CCDC38: variants seen among roughly 807,000 people sequenced by gnomAD.
The protein encoded by CCDC38 is coiled-coil domain-containing protein 38.
In CCDC38, 69 loss-of-function variants were observed where a neutral mutation model predicts 72.8. The observed-to-expected ratio is 0.95, with a 90% confidence interval of 0.78 to 1.16. The LOEUF is 1.16. Ranked by LOEUF, CCDC38 falls within the 50% of genes most tolerant of loss-of-function variation. The pLI, the probability that CCDC38 is intolerant of heterozygous loss-of-function variation, is 0.00. For synonymous variants in CCDC38, 201 were observed against 213.2 expected, an observed-to-expected ratio of 0.94 and a Z score of 0.50; for missense variants, 626 against 638.9, an observed-to-expected ratio of 0.98 and a Z score of 0.22.
chr12:95,885,928 C>T (rs1161740329), intron 10 of CCDC38: 2 of 152,194 alleles, frequency 1.3e-5, no homozygotes, highest in Non-Finnish European at 2.9e-5. Context: ...ACCAGTTTCA[C>T]TACCTTTGGA....
At chr12:95,906,892 A>C (rs1592782503) in intron 4 of CCDC38, among the ~76,000 whole-genome samples, 1 of 150,298 alleles carries the variant, frequency 6.7e-6, no homozygotes, top group East Asian at 2.0e-4. Flanking sequence ...GCAGGGTCAC[A>C]GGACAATAGT....
chr12:95,908,333 G>A (rs1213256318), intron 4 of CCDC38, among the ~76,000 whole-genome samples: 3 of 149,802 alleles, frequency 2.0e-5, no homozygotes, highest in African/African-American at 2.5e-5. Context: ...GTGGCGGCGC[G>A]CGCCTGCAAT....
intron 9 of CCDC38, among the ~76,000 whole-genome samples, chr12:95,889,783 A>G (rs1176498000): frequency 6.6e-6 from 1 of 152,218 alleles, no homozygotes; most frequent in East Asian, 1.9e-4. Context: ...AAGCAACTGG[A>G]GAGATCAGAC....
chr12:95,941,198 A>G lies in CCDC38; in HGVS notation c.-15+1233T>C, dbSNP rs187120440. On this transcript the variant is annotated intron_variant, in intron 1 of 15. Transcript: ENST00000344280. ...TAAATACCTATGAAAAAGAAATATA[A>G]TTTCTTTTAGACTCACCCAGAACTT... Among the ~76,000 whole-genome samples, 87 of 152,298 alleles carry G rather than the reference A, an allele frequency of 5.7e-4. 1 individual carries two copies. Among genetic ancestry groups the G allele is most frequent in the Non-Finnish European group, 7.3e-4 (50 of 68,028 alleles).
At chr12:95,922,451 A>G (rs892506456) in intron 2 of CCDC38, among the ~76,000 whole-genome samples, 2 of 152,170 alleles carry the variant, frequency 1.3e-5, no homozygotes, top group African/African-American at 4.8e-5. Flanking sequence ...GTAGTAACAA[A>G]AGGCTGAGGT....
chr12:95,941,751 A>G (rs2080453285), intron 1 of CCDC38, among the ~76,000 whole-genome samples: 1 of 152,166 alleles, frequency 6.6e-6, no homozygotes. Flanking sequence ...TTTTAAAGAC[A>G]TAGAAATATA....
In CCDC38 at chr12:95,918,282, C is replaced by G. The variant is rs79634942; in HGVS notation, c.138+594G>C. On this transcript the variant is annotated intron_variant, in intron 3 of 15. Transcript: ENST00000344280. ...ATACCACAAAATTTGAAAACAACACCCCCTCCTCTACTTTCATCCCTTCTT... is the reference window on the plus strand; with the variant it reads ...ATACCACAAAATTTGAAAACAACACGCCCTCCTCTACTTTCATCCCTTCTT... 7.1e-4 allele frequency among the ~76,000 whole-genome samples: 108 copies of G among 151,996 alleles called. 1 individual carries two copies. The East Asian group carries it at 0.02, about 28-fold the overall frequency.
chr12:95,893,114 C>G (rs1259100064), intron 8 of CCDC38, among the ~76,000 whole-genome samples: 1 of 152,156 alleles, frequency 6.6e-6, no homozygotes, highest in Non-Finnish European at 1.5e-5. Flanking sequence ...TTTTTGGTAA[C>G]ATTTTAATTA....
intron 10 of CCDC38, among the ~76,000 whole-genome samples, chr12:95,883,595 C>T (rs2079724980): frequency 1.3e-5 from 2 of 152,190 alleles, no homozygotes; most frequent in African/African-American, 4.8e-5. Context: ...CCCTCCCATG[C>T]CCTCACCTCT....
intron 5 of CCDC38, chr12:95,903,320 G>A (rs377444527): frequency 3.2e-5 from 20 of 634,060 alleles, no homozygotes; most frequent in South Asian, 2.2e-4. Flanking sequence ...AGAGAGGATC[G>A]TGTTGTCTGT....
At chr12:95,917,359 G>T (rs2080156908) in intron 3 of CCDC38, 65 bp from the exon 4 acceptor site, 1 of 1,261,860 alleles carries the variant, frequency 7.9e-7, no homozygotes, top group Non-Finnish European at 1.1e-6. Flanking sequence ...TAAAATTAGT[G>T]ATTATATATA....
chr12:95,896,250 C>G (rs1051097262), intron 7 of CCDC38, among the ~76,000 whole-genome samples: 2 of 152,108 alleles, frequency 1.3e-5, no homozygotes, highest in Non-Finnish European at 2.9e-5. Context: ...AGAGCCAGCA[C>G]TCAAACCTAG....
intron 5 of CCDC38, among the ~76,000 whole-genome samples, chr12:95,900,688 A>G (rs553292314): frequency 1.3e-5 from 2 of 152,334 alleles, no homozygotes; most frequent in East Asian, 3.9e-4. Context: ...ACTGGCAAAA[A>G]TACATATGTT....
intron 2 of CCDC38, among the ~76,000 whole-genome samples, chr12:95,923,543 T>TAAAA (rs1198418276): frequency 0.43 from 65,356 of 151,446 alleles, 14,443 homozygotes; most frequent in Admixed American, 0.54. Context: ...TTTTTTTTTT[T>TAAAA]AATTTATTAT....
In CCDC38 at chr12:95,892,127, C is replaced by T. The variant is rs75535669; in HGVS notation, c.773-1197G>A. Among the ~76,000 whole-genome samples the T allele has an allele frequency of 0.029, 3,827 of 129,832 alleles. 352 individuals carry two copies. The East Asian group carries it at 0.37, about 13-fold the overall frequency. The allele number at this position is 129,832 out of a possible 152,430, so 85.2% of individuals were successfully genotyped here. The stretch of plus-strand genomic sequence containing the variant: ...TGAGACGGAGTCTCACTCTGCTTTA[C>T]TGTTTGATGTCCAATGTCTGAAAAT... On this transcript the variant is annotated intron_variant, in intron 8 of 15. Transcript: ENST00000344280.
intron 1 of CCDC38, 144 bp from the exon 2 acceptor site, chr12:95,936,667 T>C: frequency 1.9e-6 from 1 of 535,298 alleles, no homozygotes; most frequent in Non-Finnish European, 3.2e-6. Flanking sequence ...CCCAGCAATT[T>C]CAATTCTGGT....
At chr12:95,921,077 G>A (rs113620646) in intron 2 of CCDC38, among the ~76,000 whole-genome samples, 8,315 of 150,900 alleles carry the variant, frequency 0.055, 350 homozygotes, top group South Asian at 0.19. Flanking sequence ...GCGGTGAGCC[G>A]AGATCATGCC....
intron 13 of CCDC38, among the ~76,000 whole-genome samples, chr12:95,874,667 T>C (rs894046468): frequency 6.6e-6 from 1 of 152,168 alleles, no homozygotes; most frequent in Non-Finnish European, 1.5e-5. Flanking sequence ...CAGCCCACAG[T>C]ACCTCGGAGG....
rs761115573 is a variant in CCDC38, at chr12:95,936,458, T to C, written c.37+15A>G. On this transcript the variant is annotated intron_variant, in intron 2 of 15. Transcript: ENST00000344280. ...CCAGGCCCAAACAAGAATATATTGA[T>C]TGATTTCTTTTTACCTCCAGAATTC... 6 of 1,612,194 alleles carry C rather than the reference T, an allele frequency of 3.7e-6. No homozygotes were observed. The highest frequency in any genetic ancestry group is 2.2e-5 in the East Asian group (1 of 44,822).
Sources: allele counts gnomAD v4.1 joint callset (sites outside exome capture counted in the v4.1 genomes callset), GRCh38; gene constraint gnomAD v4.1.1; transcripts MANE v1.5; gene names NCBI Gene and HGNC (gene_info 2026-07-23, HGNC 2026-07-21).